IL1RAPL2: variants seen among roughly 807,000 people sequenced by gnomAD.
The protein encoded by IL1RAPL2 is X-linked interleukin-1 receptor accessory protein-like 2.
In IL1RAPL2, 3 loss-of-function variants were observed where a neutral mutation model predicts 44.1. The observed-to-expected ratio is 0.07, with a 90% CI of 0.03 to 0.18. The LOEUF (loss-of-function observed/expected upper bound fraction) is 0.18. Among genes scored for constraint, IL1RAPL2 ranks in the 10% least tolerant of loss-of-function variants. The probability of loss-of-function intolerance (pLI) is 1.00; values close to 1 mark genes in which losing one functional copy is unlikely to be tolerated. For missense variants in IL1RAPL2, 391 were observed against 496.4 expected (o/e 0.79, Z 2.02); for synonymous variants, 181 against 178.8 (o/e 1.01, Z -0.10).
At chrX:104,784,623 C>T (rs1932789355) in intron 2 of IL1RAPL2, among the ~76,000 whole-genome samples, 1 of 110,661 alleles carries the variant, frequency 9.0e-6, no homozygotes, top group South Asian at 3.9e-4. Context: ...ATTATCCACA[C>T]ATAACCCTTC....
rs1556002105 is a variant in IL1RAPL2, at chrX:104,855,680, C to CGT, written c.82+196686_82+196687dup. Among the ~76,000 whole-genome samples, 9 of 53,806 alleles carry CGT rather than the reference C, an allele frequency of 1.7e-4. 3 individuals are homozygous for CGT. In the East Asian group the frequency reaches 2.6e-3, roughly 16 times the overall value. The allele number at this position is 53,806 out of a possible 115,157, so 46.7% of individuals were successfully genotyped here. On this transcript the variant is annotated intron_variant, in intron 2 of 10. Coordinates refer to ENST00000372582, the MANE Select transcript of IL1RAPL2 (RefSeq NM_017416.2). Reference sequence around the variant, plus strand: ...CTTAACTGTGCTAAGGATCTGGATCCGTTTTTTTTTTTTTTTTTACTGTAT... The same window carrying CGT: ...CTTAACTGTGCTAAGGATCTGGATCCGTGTTTTTTTTTTTTTTTTTACTGTAT...
At chrX:105,667,722 C>T (rs933997327) in intron 6 of IL1RAPL2, among the ~76,000 whole-genome samples, 4 of 111,334 alleles carry the variant, frequency 3.6e-5, no homozygotes, top group Admixed American at 9.6e-5. Context: ...AAAAATAAAT[C>T]GTTTACTCCT....
chrX:105,711,071 T>G (rs934890587), intron 6 of IL1RAPL2, among the ~76,000 whole-genome samples: 1 of 109,240 alleles, frequency 9.2e-6, no homozygotes, highest in South Asian at 4.0e-4. Context: ...TATGTTTCTC[T>G]CCCTCTCAGT....
At chrX:105,200,515 A>G (rs1403704098) in intron 3 of IL1RAPL2, among the ~76,000 whole-genome samples, 1 of 112,313 alleles carries the variant, frequency 8.9e-6, no homozygotes, top group Non-Finnish European at 1.9e-5. Flanking sequence ...ATTTGACAAA[A>G]TCTCACATAT....
In IL1RAPL2 at chrX:104,746,138, C is replaced by T. The variant is rs1199224204; in HGVS notation, c.82+87143C>T. 2.7e-5 allele frequency among the ~76,000 whole-genome samples: 3 copies of T among 111,512 alleles called. 1 individual carries two copies. Among genetic ancestry groups the T allele is most frequent in the Admixed American group, 1.9e-4 (2 of 10,445 alleles). ...ATTGAATGCTAGGAACTGTGCCGGA[C>T]ACATTACATACATTCTTTTAGTTCA... On this transcript the variant is annotated intron_variant, in intron 2 of 10. Transcript: ENST00000372582.
At chrX:105,601,646 A>G (rs771140621) in intron 6 of IL1RAPL2, among the ~76,000 whole-genome samples, 1 of 111,441 alleles carries the variant, frequency 9.0e-6, no homozygotes, top group African/African-American at 3.3e-5. Context: ...AAGTCCATGT[A>G]GCTACATTGC....
intron 2 of IL1RAPL2, among the ~76,000 whole-genome samples, chrX:105,032,732 T>G (rs989932982): frequency 1.8e-5 from 2 of 111,457 alleles, no homozygotes; most frequent in Non-Finnish European, 3.8e-5. Flanking sequence ...TCTGTAGATA[T>G]CTATTAGGTT....
intron 2 of IL1RAPL2, among the ~76,000 whole-genome samples, chrX:105,143,143 C>T (rs1219966043): frequency 9.0e-6 from 1 of 111,362 alleles, no homozygotes; most frequent in African/African-American, 3.3e-5. Context: ...AAACTACCAT[C>T]AGAGTGAACA....
At chrX:105,146,313 C>G (rs1286549896) in intron 2 of IL1RAPL2, among the ~76,000 whole-genome samples, 4 of 110,828 alleles carry the variant, frequency 3.6e-5, no homozygotes, top group Non-Finnish European at 7.6e-5. Flanking sequence ...TAGACCTTCC[C>G]AGGGCCTTGC....
chrX:105,211,846 A>G (rs2033810496), intron 3 of IL1RAPL2, among the ~76,000 whole-genome samples: 2 of 111,572 alleles, frequency 1.8e-5, no homozygotes, highest in Admixed American at 1.9e-4. Flanking sequence ...AGGCAGGGTG[A>G]GGCGTCACTT....
intron 2 of IL1RAPL2, among the ~76,000 whole-genome samples, chrX:105,135,968 A>C (rs1193475229): frequency 8.9e-6 from 1 of 111,881 alleles, no homozygotes; most frequent in African/African-American, 3.2e-5. Flanking sequence ...GATTACTATC[A>C]CAGTGAAACA....
chrX:105,134,032 G>A (rs775436307), intron 2 of IL1RAPL2, among the ~76,000 whole-genome samples: 13 of 111,574 alleles, frequency 1.2e-4, no homozygotes, highest in African/African-American at 3.6e-4. Flanking sequence ...ATACATTATA[G>A]CTTTGTGTTT....
At position 105,344,173 on chromosome X, in the gene IL1RAPL2, A is replaced by G. The variant is rs749459415; in HGVS notation, c.697+76632A>G. On this transcript the variant is annotated intron_variant, in intron 5 of 10. Transcript: ENST00000372582. ...GCCTCCCAAAGTGCTGGGATTACACATGTGAGCCACCGCTCCTGGCCTTTA... is the reference window on the plus strand; with the variant it reads ...GCCTCCCAAAGTGCTGGGATTACACGTGTGAGCCACCGCTCCTGGCCTTTA... Among the ~76,000 whole-genome samples the G allele has an allele frequency of 6.8e-4, 77 of 112,445 alleles. 1 individual carries two copies. The highest frequency in any genetic ancestry group is 2.4e-3 in the African/African-American group (75 of 31,017).
At chrX:105,040,688 T>A in intron 2 of IL1RAPL2, among the ~76,000 whole-genome samples, 1 of 108,022 alleles carries the variant, frequency 9.3e-6, no homozygotes. Context: ...TATAGTATTC[T>A]CTGATGGTAG....
At chrX:105,683,433 A>G (rs2037941855) in intron 6 of IL1RAPL2, among the ~76,000 whole-genome samples, 1 of 111,726 alleles carries the variant, frequency 9.0e-6, no homozygotes, top group Non-Finnish European at 1.9e-5. Context: ...ATTTCATAAT[A>G]TTATTAGTAA....
chrX:105,226,974 T>C (rs1227564699), intron 3 of IL1RAPL2, among the ~76,000 whole-genome samples: 1 of 105,049 alleles, frequency 9.5e-6, no homozygotes, highest in African/African-American at 3.5e-5. Context: ...GGTTGCAGAT[T>C]ACCAGTGTCC....
chrX:105,720,266 C>T (rs1050897117), intron 7 of IL1RAPL2, among the ~76,000 whole-genome samples: 5 of 100,863 alleles, frequency 5.0e-5, no homozygotes, highest in South Asian at 5.0e-4. Flanking sequence ...TTTGTAAGGG[C>T]GGATTGATAT....
chrX:105,666,093 T>C (rs947686189), intron 6 of IL1RAPL2, among the ~76,000 whole-genome samples: 4 of 109,900 alleles, frequency 3.6e-5, no homozygotes, highest in African/African-American at 1.3e-4. Flanking sequence ...TTTTTTTTTT[T>C]TTTTGCTGTT....
At chrX:104,722,268 A>C (rs1931694446) in intron 2 of IL1RAPL2, among the ~76,000 whole-genome samples, 1 of 111,953 alleles carries the variant, frequency 8.9e-6, no homozygotes, top group Non-Finnish European at 1.9e-5. Context: ...GTATCAATAA[A>C]ATTTTATTTA....
Sources: allele counts gnomAD v4.1 joint callset (sites outside exome capture counted in the v4.1 genomes callset), GRCh38; gene constraint gnomAD v4.1.1; transcripts MANE v1.5; gene names NCBI Gene and HGNC (gene_info 2026-07-23, HGNC 2026-07-21).